Variants in WWOX observed in about 807,000 individuals in gnomAD.
WWOX encodes WW domain-containing oxidoreductase.
WWOX carries 69 observed loss-of-function variants against 46.2 expected under a neutral mutation model. That is an observed-to-expected ratio of 1.49 (90% CI 1.23 to 1.82). WWOX has a LOEUF of 1.82. Ranked by LOEUF, WWOX falls within the 40% of genes most tolerant of loss-of-function variation. The pLI, the probability that WWOX is intolerant of heterozygous loss-of-function variation, is 0.00. For synonymous variants in WWOX, 359 were observed against 202.6 expected (o/e 1.77, Z -6.56); for missense variants, 919 against 542.6 (o/e 1.69, Z -6.89).
chr16:78,540,023 C>CAA (rs1372224238), intron 8 of WWOX, among the ~76,000 whole-genome samples: 42 of 148,366 alleles, frequency 2.8e-4, no homozygotes, highest in Non-Finnish European at 5.9e-4. Flanking sequence ...CTCTCTCTCA[C>CAA]ACACACACAC....
chr16:78,428,520 C>T (rs1462680706), intron 7 of WWOX, among the ~76,000 whole-genome samples: 3 of 152,236 alleles, frequency 2.0e-5, no homozygotes, highest in African/African-American at 7.2e-5. Context: ...GCAGCTGGTA[C>T]TTCTCCATCT....
intron 8 of WWOX, among the ~76,000 whole-genome samples, chr16:78,528,653 ACTT>A (rs1450000337): frequency 1.7e-4 from 26 of 152,254 alleles, no homozygotes; most frequent in Non-Finnish European, 3.2e-4. Context: ...TCTTCTAAGC[ACTT>A]CTTAGGTGCC....
At chr16:78,102,164 C>T (rs2031841960) in intron 1 of WWOX, among the ~76,000 whole-genome samples, 1 of 152,100 alleles carries the variant, frequency 6.6e-6, no homozygotes, top group African/African-American at 2.4e-5. Context: ...AAGCCAGCCT[C>T]CCTCCCGAAG....
chr16:78,158,729 A>G (rs762133153), intron 4 of WWOX, among the ~76,000 whole-genome samples: 7 of 152,106 alleles, frequency 4.6e-5, no homozygotes, highest in Non-Finnish European at 1.0e-4. Context: ...AAACAACTTT[A>G]TTGAGGTATG....
At chr16:78,472,096 A>G (rs1312914460) in intron 8 of WWOX, among the ~76,000 whole-genome samples, 1 of 152,180 alleles carries the variant, frequency 6.6e-6, no homozygotes, top group Non-Finnish European at 1.5e-5. Flanking sequence ...CTTGCAGTAG[A>G]CAGAGAGTTG....
chr16:78,374,941 C>A (rs1897069662), intron 5 of WWOX, among the ~76,000 whole-genome samples: 1 of 152,150 alleles, frequency 6.6e-6, no homozygotes, highest in African/African-American at 2.4e-5. Context: ...CTACCTCGGC[C>A]TCCCAAAGTG....
chr16:78,765,637 C>G (rs1245236551), intron 8 of WWOX, among the ~76,000 whole-genome samples: 1 of 152,060 alleles, frequency 6.6e-6, no homozygotes, highest in Non-Finnish European at 1.5e-5. Context: ...CGAGATTGTG[C>G]CACTGCACTG....
chr16:78,827,179 A>G (rs2051681109), intron 8 of WWOX, among the ~76,000 whole-genome samples: 1 of 152,178 alleles, frequency 6.6e-6, no homozygotes, highest in South Asian at 2.1e-4. Context: ...GTACATAGGC[A>G]TCAAGTGAAA....
At chr16:78,271,135 A>C (rs1200043447) in intron 5 of WWOX, among the ~76,000 whole-genome samples, 1 of 152,214 alleles carries the variant, frequency 6.6e-6, no homozygotes, top group Non-Finnish European at 1.5e-5. Flanking sequence ...AACCAAGAAT[A>C]CATCTGTGGA....
intron 8 of WWOX, among the ~76,000 whole-genome samples, chr16:79,011,398 A>G (rs2047304801): frequency 6.6e-6 from 1 of 151,856 alleles, no homozygotes; most frequent in Non-Finnish European, 1.5e-5. Flanking sequence ...TCGATCTGGA[A>G]TCTGAGAATT....
intron 8 of WWOX, among the ~76,000 whole-genome samples, chr16:79,135,084 T>C (rs1315162442): frequency 6.6e-6 from 1 of 152,214 alleles, no homozygotes; most frequent in African/African-American, 2.4e-5. Context: ...AACATTGTTT[T>C]TCACTGTGGC....
intron 8 of WWOX, among the ~76,000 whole-genome samples, chr16:78,725,444 T>C (rs2048806791): frequency 6.7e-6 from 1 of 148,396 alleles, no homozygotes; most frequent in African/African-American, 2.5e-5. Flanking sequence ...ACTTCCCGGA[T>C]TTAAGCGATT....
At chr16:78,531,035 C>T (rs1486010000) in intron 8 of WWOX, among the ~76,000 whole-genome samples, 1 of 152,174 alleles carries the variant, frequency 6.6e-6, no homozygotes, top group Admixed American at 6.5e-5. Context: ...ATCACTTCTC[C>T]ATTAACTGTC....
At chr16:79,071,419 C>T (rs142944858) in intron 8 of WWOX, among the ~76,000 whole-genome samples, 1 of 152,186 alleles carries the variant, frequency 6.6e-6, no homozygotes, top group Non-Finnish European at 1.5e-5. Context: ...TTTCTTCCCC[C>T]CTCATCTCTT....
chr16:78,303,257 A>G (rs1205518792), intron 5 of WWOX, among the ~76,000 whole-genome samples: 1 of 152,236 alleles, frequency 6.6e-6, no homozygotes, highest in African/African-American at 2.4e-5. Context: ...TAGACAAAGT[A>G]AAGTATAAAT....
chr16:78,216,869 C>T (rs1420263643), intron 5 of WWOX, among the ~76,000 whole-genome samples: 1 of 152,084 alleles, frequency 6.6e-6, no homozygotes, highest in African/African-American at 2.4e-5. Context: ...GTACCTGGGA[C>T]CACAGGCACA....
chr16:78,411,073 A>G (rs2082669328), intron 6 of WWOX, among the ~76,000 whole-genome samples: 1 of 152,206 alleles, frequency 6.6e-6, no homozygotes, highest in Admixed American at 6.5e-5. Flanking sequence ...TACAGAAGCC[A>G]GCATCTTTTT....
chr16:79,087,314 G>A (rs752763983), intron 8 of WWOX, among the ~76,000 whole-genome samples: 1 of 152,356 alleles, frequency 6.6e-6, no homozygotes, highest in South Asian at 2.1e-4. Flanking sequence ...GGTTCTTCCT[G>A]TGTTGAGCAG....
At chr16:78,358,272 C>G (rs1160441633) in intron 5 of WWOX, among the ~76,000 whole-genome samples, 3 of 152,174 alleles carry the variant, frequency 2.0e-5, no homozygotes, top group African/African-American at 7.2e-5. Context: ...ATGTTATACA[C>G]TCACATACAA....
Sources: allele counts gnomAD v4.1 joint callset (sites outside exome capture counted in the v4.1 genomes callset), GRCh38; gene constraint gnomAD v4.1.1; transcripts MANE v1.5; gene names NCBI Gene and HGNC (gene_info 2026-07-23, HGNC 2026-07-21).